Variants in PDIA3 observed in about 807,000 individuals in gnomAD.
The protein encoded by PDIA3 is protein disulfide-isomerase A3.
Under a neutral mutation model 56.9 loss-of-function variants are expected in PDIA3, and 16 were observed. The observed-to-expected ratio is 0.28, with a 90% CI of 0.19 to 0.43. The LOEUF is 0.43. PDIA3 is among the 20% of genes least tolerant of loss of function. PDIA3 has a pLI of 1.00. For synonymous variants in PDIA3, 192 were observed against 216.5 expected, an observed-to-expected ratio of 0.89 and a Z score of 0.99; for missense variants, 485 against 621.3, an observed-to-expected ratio of 0.78 and a Z score of 2.33.
At chr15:43,746,844 C>A (rs1395204470) in intron 1 of PDIA3, 138 bp downstream of exon 1, 9 of 991,810 alleles carry the variant, frequency 9.1e-6, no homozygotes, top group Admixed American at 2.4e-5. Flanking sequence ...ATTTCTCATT[C>A]CCGGGAGCTG....
chr15:43,758,804 T>C (rs1183098676), intron 3 of PDIA3, among the ~76,000 whole-genome samples: 1 of 151,774 alleles, frequency 6.6e-6, no homozygotes, highest in Non-Finnish European at 1.5e-5. Context: ...GGTGAAACCA[T>C]GTCTCCACCA....
In PDIA3 at chr15:43,746,466, T is replaced by C. The variant is rs577266122; in HGVS notation, c.-74T>C. The C allele has an allele frequency of 8.1e-6, 11 of 1,358,994 alleles. No homozygotes were observed. The East Asian group carries it at 1.1e-4, about 14-fold the overall frequency. 84.2% of individuals were successfully genotyped at this position (1,358,994 alleles called of 1,614,324 possible). A position where few individuals can be genotyped will look rare whatever the true frequency, so the allele number is the denominator to read the frequency against. ...CGCGCGAGCGCAAGCAGCGGGTTAGTGGTCGCGCGCCCGACCTCCGCAGTC... is the reference window on the plus strand; with the variant it reads ...CGCGCGAGCGCAAGCAGCGGGTTAGCGGTCGCGCGCCCGACCTCCGCAGTC... On this transcript the variant is annotated 5_prime_UTR_variant, in exon 1 of 13. Coordinates refer to ENST00000300289, the MANE Select transcript of PDIA3 (RefSeq NM_005313.5).
rs1008071276 is a variant in PDIA3 at position 43,772,417 on chromosome 15, T to C, written c.*1199T>C. ...GAGCCTTATAGTAAAGTATGTATCT[T>C]GGTCACACACAAAGCTTGGAAAAAG... On this transcript the variant is annotated 3_prime_UTR_variant, in exon 13 of 13. Transcript: ENST00000300289. The C allele has an allele frequency of 1.3e-5, 2 of 152,238 alleles. No homozygotes were observed. The highest frequency in any genetic ancestry group is 2.9e-5 in the Non-Finnish European group (2 of 68,048). 9.4% of individuals were successfully genotyped at this position (152,238 alleles called of 1,614,324 possible). A position where few individuals can be genotyped will look rare whatever the true frequency, so the allele number is the denominator to read the frequency against.
intron 2 of PDIA3, among the ~76,000 whole-genome samples, chr15:43,755,640 G>A (rs980969761): frequency 7.2e-5 from 11 of 151,814 alleles, no homozygotes; most frequent in African/African-American, 2.2e-4. Context: ...ATAGCCAGGC[G>A]CTGTGGCTCA....
chr15:43,756,898 G>A (rs938084984), intron 3 of PDIA3, 132 bp downstream of exon 3: 6 of 570,516 alleles, frequency 1.1e-5, no homozygotes, highest in Admixed American at 2.7e-5. Flanking sequence ...GGTCAGTTTG[G>A]TGGTAACAAA....
At chr15:43,753,387 A>G (rs1183904657) in intron 1 of PDIA3, among the ~76,000 whole-genome samples, 4 of 152,070 alleles carry the variant, frequency 2.6e-5, no homozygotes, top group African/African-American at 4.8e-5. Context: ...TTTAACAACC[A>G]CAATGCTGGT....
At chr15:43,760,261 C>T (rs2086805802) in intron 3 of PDIA3, among the ~76,000 whole-genome samples, 1 of 151,682 alleles carries the variant, frequency 6.6e-6, no homozygotes, top group African/African-American at 2.4e-5. Context: ...TGGGATGGTG[C>T]ATGCCTGTAG....
At chr15:43,769,493 C>T in intron 9 of PDIA3, 25 bp from the exon 10 acceptor site, 2 of 1,608,018 alleles carry the variant, frequency 1.2e-6, no homozygotes, top group Non-Finnish European at 1.7e-6. Flanking sequence ...ATGTTACCAA[C>T]TAGAGATTCT....
At chr15:43,758,891 C>G (rs531351489) in intron 3 of PDIA3, among the ~76,000 whole-genome samples, 1 of 151,694 alleles carries the variant, frequency 6.6e-6, no homozygotes, top group African/African-American at 2.4e-5. Flanking sequence ...GCAGGAGACT[C>G]GCTTGAACCT....
At chr15:43,756,613 T>C (rs768324111) in intron 2 of PDIA3, 36 bp from the exon 3 acceptor site, 1 of 1,198,668 alleles carries the variant, frequency 8.3e-7, no homozygotes, top group South Asian at 1.2e-5. Context: ...AGCAGAAACT[T>C]GGATAAGAAA....
Position 43,766,037 on chromosome 15 carries a change from C to T in PDIA3, c.845+25C>T, listed in dbSNP as rs1175442021. ...GGTAATAAGAATTATGTTTTTCCCT[C>T]ATGAACAAGTTTACCCAATGTATAG... On this transcript the variant is annotated intron_variant, in intron 7 of 12. Coordinates refer to ENST00000300289, the MANE Select transcript of PDIA3 (RefSeq NM_005313.5). 7 of 1,606,676 alleles carry T rather than the reference C, an allele frequency of 4.4e-6. No individual in the cohort carries two copies. In the East Asian group the frequency reaches 1.1e-4, roughly 26 times the overall value.
chr15:43,752,819 C>G (rs147340713), intron 1 of PDIA3: 33 of 471,154 alleles, frequency 7.0e-5, no homozygotes, highest in African/African-American at 6.4e-4. Flanking sequence ...AACTCACCTT[C>G]TCAACGTGAT....
In PDIA3 at chr15:43,773,043, T is replaced by C; in HGVS notation, c.*1825T>C. 1 of 1,355,462 alleles carries C rather than the reference T, an allele frequency of 7.4e-7. No individual in the cohort carries two copies. The highest frequency in any genetic ancestry group is 1.0e-6 in the Non-Finnish European group (1 of 985,754). 84.0% of individuals were successfully genotyped at this position (1,355,462 alleles called of 1,614,324 possible). A position where few individuals can be genotyped will look rare whatever the true frequency, so the allele number is the denominator to read the frequency against. On this transcript the variant is annotated 3_prime_UTR_variant, in exon 13 of 13. Transcript: ENST00000300289. ...AGCATAAGAAAAGCAGATAGTTGCA[T>C]TCTATTTAGTTTATAGCTGCTTTGT...
rs114879076 is a variant in PDIA3, at chr15:43,766,571, C to T, written c.846-157C>T. Among the ~76,000 whole-genome samples the T allele has an allele frequency of 9.2e-3, 1,402 of 152,250 alleles. 21 individuals carry two copies. Among genetic ancestry groups the T allele is most frequent in the African/African-American group, 0.032 (1,330 of 41,534 alleles). ...GTAAGGCATTGAAGTATATCATAAC[C>T]CTGTGTCAGTGCCCAAGAGCTCAGA... On this transcript the variant is annotated intron_variant, in intron 7 of 12. Transcript: ENST00000300289.
chr15:43,763,017 T>G (rs2086826588), intron 4 of PDIA3, 60 bp from the exon 5 acceptor site: 1 of 1,538,398 alleles, frequency 6.5e-7, no homozygotes. Context: ...GTTTATGGTT[T>G]GGAATGTCCA....
At chr15:43,763,308 A>G (rs915442309) in intron 5 of PDIA3, 102 bp downstream of exon 5, 1 of 1,323,678 alleles carries the variant, frequency 7.6e-7, no homozygotes, top group Non-Finnish European at 1.1e-6. Flanking sequence ...GCTGGAGTGC[A>G]GTGGTGCAAT....
At chr15:43,763,388 G>A (rs993427413) in intron 5 of PDIA3, among the ~76,000 whole-genome samples, 182 bp downstream of exon 5, 9 of 152,162 alleles carry the variant, frequency 5.9e-5, no homozygotes, top group Non-Finnish European at 1.0e-4. Flanking sequence ...GCATAGCTGG[G>A]AGTACAGGCA....
chr15:43,760,345 C>G (rs1276095959), intron 3 of PDIA3, among the ~76,000 whole-genome samples: 1 of 151,312 alleles, frequency 6.6e-6, no homozygotes, highest in Non-Finnish European at 1.5e-5. Flanking sequence ...GAGCAATGAT[C>G]ATGCCGCTGG....
chr15:43,749,606 A>T (rs1376659676), intron 1 of PDIA3, among the ~76,000 whole-genome samples: 1 of 152,168 alleles, frequency 6.6e-6, no homozygotes, highest in Non-Finnish European at 1.5e-5. Context: ...CAGCCTGGCC[A>T]ACATGGGGAA....
Sources: gnomAD v4.1 joint callset for allele counts (sites outside exome capture counted in the v4.1 genomes callset) on GRCh38, gnomAD v4.1.1 for gene constraint, MANE v1.5 for transcripts, NCBI Gene and HGNC (gene_info 2026-07-23, HGNC 2026-07-21) for gene names.